CCDC192: variants seen among roughly 807,000 people sequenced by gnomAD.
CCDC192 encodes coiled-coil domain-containing protein 192.
intron 2 of CCDC192, among the ~76,000 whole-genome samples, chr5:127,737,382 G>A (rs1362382167): frequency 6.6e-6 from 1 of 152,028 alleles, no homozygotes; most frequent in South Asian, 2.1e-4. Flanking sequence ...GATGTGGTGT[G>A]GTGCTGAAAA....
At chr5:127,898,772 G>A (rs990153276) in intron 6 of CCDC192, among the ~76,000 whole-genome samples, 11 of 152,136 alleles carry the variant, frequency 7.2e-5, no homozygotes, top group African/African-American at 2.7e-4. Context: ...GAGAGAGGGA[G>A]GGAGAAAGAC....
intron 2 of CCDC192, among the ~76,000 whole-genome samples, chr5:127,727,419 C>G (rs1014355999): frequency 1.3e-5 from 2 of 151,860 alleles, no homozygotes; most frequent in African/African-American, 4.8e-5. Flanking sequence ...TTGCGGAGAG[C>G]TGAGATCATG....
At chr5:127,721,033 C>T (rs958330053) in intron 2 of CCDC192, among the ~76,000 whole-genome samples, 6 of 152,198 alleles carry the variant, frequency 3.9e-5, no homozygotes, top group Non-Finnish European at 8.8e-5. Context: ...CGAGGTCTTT[C>T]CCCATTATCT....
intron 6 of CCDC192, among the ~76,000 whole-genome samples, chr5:127,884,364 AAAAAAG>A (rs1752479825): frequency 1.4e-5 from 2 of 147,236 alleles, no homozygotes; most frequent in Non-Finnish European, 3.0e-5. Context: ...AAAAAAAAAA[AAAAAAG>A]AAGAGGGAAG....
rs1200208064 is a variant in CCDC192 at position 127,751,690 on chromosome 5, G to C, written c.115-2578G>C. ...TTGCTAGACTGGGGAAATTCTCCTG[G>C]ATAATATCCTGCAGAGTGTTTTCCA... On this transcript the variant is annotated intron_variant, in intron 2 of 6. Transcript: ENST00000514853. 1.8e-4 allele frequency among the ~76,000 whole-genome samples: 27 copies of C among 151,918 alleles called. No homozygotes were observed. The South Asian group carries it at 5.2e-3, about 29-fold the overall frequency.
chr5:127,921,132 C>T (rs1156681707), intron 6 of CCDC192, among the ~76,000 whole-genome samples: 1 of 118,584 alleles, frequency 8.4e-6, no homozygotes, highest in South Asian at 2.7e-4. Context: ...GAGGAAAGGA[C>T]AGGAGAAAGG....
At chr5:127,751,870 T>A (rs1754197075) in intron 2 of CCDC192, among the ~76,000 whole-genome samples, 1 of 152,228 alleles carries the variant, frequency 6.6e-6, no homozygotes, top group Non-Finnish European at 1.5e-5. Flanking sequence ...TCATTTCTTC[T>A]TCCATTGCTG....
intron 5 of CCDC192, among the ~76,000 whole-genome samples, chr5:127,798,368 G>A (rs527249655): frequency 6.6e-6 from 1 of 152,104 alleles, no homozygotes; most frequent in African/African-American, 2.4e-5. Flanking sequence ...TCCAAACTGA[G>A]CTCTTATATA....
chr5:127,841,696 C>T (rs2127064805), intron 5 of CCDC192, among the ~76,000 whole-genome samples: 1 of 152,294 alleles, frequency 6.6e-6, no homozygotes, highest in African/African-American at 2.4e-5. Context: ...CTTGACTACA[C>T]TGTCTTAGAA....
At chr5:127,891,045 A>G (rs1385602048) in intron 6 of CCDC192, among the ~76,000 whole-genome samples, 1 of 152,086 alleles carries the variant, frequency 6.6e-6, no homozygotes, top group Non-Finnish European at 1.5e-5. Context: ...ACCCAGGAGA[A>G]TGACCTTGCT....
chr5:127,915,906 G>T (rs1753508087), intron 6 of CCDC192, among the ~76,000 whole-genome samples: 1 of 152,168 alleles, frequency 6.6e-6, no homozygotes, highest in Non-Finnish European at 1.5e-5. Context: ...CTGGGGGGCT[G>T]TGGCAATTTT....
intron 2 of CCDC192, among the ~76,000 whole-genome samples, chr5:127,719,530 C>CACAT (rs1751862574): frequency 1.3e-5 from 1 of 75,534 alleles, no homozygotes; most frequent in African/African-American, 7.1e-5. Flanking sequence ...TATATACACA[C>CACAT]ATACATATAT....
chr5:127,890,453 T>TAAAA lies in CCDC192; in HGVS notation c.535+14806_535+14809dup, dbSNP rs35655743. Among the ~76,000 whole-genome samples, 144 of 135,962 alleles carry TAAAA rather than the reference T, an allele frequency of 1.1e-3. 1 individual carries two copies. The highest frequency in any genetic ancestry group is 7.8e-3 in the Middle Eastern group (2 of 258). The allele number at this position is 135,962 out of a possible 152,430, so 89.2% of individuals were successfully genotyped here. ...GAATGGCAGTGAGAGACCCTGTATT[T>TAAAA]AAAAAAAAAAAAAAAAAGGCTTAGG... On this transcript the variant is annotated intron_variant, in intron 6 of 6. Coordinates refer to ENST00000514853, the MANE Select transcript of CCDC192 (RefSeq NM_001317938.2).
At chr5:127,924,287 C>T (rs1283861668) in intron 6 of CCDC192, among the ~76,000 whole-genome samples, 1 of 152,206 alleles carries the variant, frequency 6.6e-6, no homozygotes, top group Admixed American at 6.5e-5. Flanking sequence ...TCTTAAGCCT[C>T]AGATGAAATG....
At chr5:127,864,612 C>T (rs1026201995) in intron 5 of CCDC192, among the ~76,000 whole-genome samples, 8 of 152,160 alleles carry the variant, frequency 5.3e-5, no homozygotes, top group African/African-American at 1.9e-4. Context: ...TGTTTTAGAG[C>T]AAGGACATTT....
intron 3 of CCDC192, among the ~76,000 whole-genome samples, chr5:127,791,634 T>C (rs983749606): frequency 5.9e-5 from 9 of 152,186 alleles, no homozygotes; most frequent in African/African-American, 2.2e-4. Context: ...TCAGTAACCA[T>C]ACATGATAAG....
At chr5:127,702,780 A>G (rs1750760097), upstream of CCDC192, among the ~76,000 whole-genome samples, 1 of 152,236 alleles carries the variant, frequency 6.6e-6, no homozygotes, top group Admixed American at 6.5e-5. Flanking sequence ...ACCTGGGTCT[A>G]CAAATGCATC....
intron 6 of CCDC192, among the ~76,000 whole-genome samples, chr5:127,880,957 G>C (rs1752329088): frequency 6.6e-6 from 1 of 152,168 alleles, no homozygotes; most frequent in South Asian, 2.1e-4. Context: ...TCCAGCCTGG[G>C]TGACAGAGTG....
chr5:127,877,788 C>T (rs1173948090), intron 6 of CCDC192, among the ~76,000 whole-genome samples: 1 of 152,136 alleles, frequency 6.6e-6, no homozygotes, highest in African/African-American at 2.4e-5. Context: ...TGGCCCACCC[C>T]CCCACACACA....
Sources: gnomAD v4.1 joint callset for allele counts (sites outside exome capture counted in the v4.1 genomes callset) on GRCh38, gnomAD v4.1.1 for gene constraint, MANE v1.5 for transcripts, NCBI Gene and HGNC (gene_info 2026-07-23, HGNC 2026-07-21) for gene names.